The following PRKCZ variants were observed in gnomAD, a reference collection of about 807,000 sequenced individuals.
The protein encoded by PRKCZ is protein kinase C zeta.
A neutral mutation model predicts 79.5 loss-of-function variants in PRKCZ; 33 were observed. The observed-to-expected ratio is 0.41, with a 90% CI of 0.31 to 0.55. PRKCZ has a LOEUF of 0.55. PRKCZ is among the 20% of genes least tolerant of loss of function. PRKCZ has a pLI of 0.19. For synonymous variants in PRKCZ, 342 were observed against 320.9 expected, an observed-to-expected ratio of 1.07 and a Z score of -0.70; for missense variants, 578 against 813.5, an observed-to-expected ratio of 0.71 and a Z score of 3.52.
chr1:2,064,616 A>G (rs1660969556), intron 4 of PRKCZ, among the ~76,000 whole-genome samples: 1 of 152,182 alleles, frequency 6.6e-6, no homozygotes, highest in Non-Finnish European at 1.5e-5. Flanking sequence ...CCATTGGTGA[A>G]AAGACTCCCC....
intron 4 of PRKCZ, among the ~76,000 whole-genome samples, chr1:2,126,108 A>G (rs1673825488): frequency 6.6e-6 from 1 of 152,088 alleles, no homozygotes; most frequent in Non-Finnish European, 1.5e-5. Flanking sequence ...CACAGCATCC[A>G]GCACTGCCAC....
intron 16 of PRKCZ, among the ~76,000 whole-genome samples, chr1:2,176,836 G>A (rs964715128): frequency 1.3e-5 from 2 of 152,216 alleles, no homozygotes; most frequent in African/African-American, 4.8e-5. Context: ...TGGTCAGAAC[G>A]TGCCCACACC....
chr1:2,104,109 G>A (rs910677665), intron 4 of PRKCZ, among the ~76,000 whole-genome samples: 4 of 152,118 alleles, frequency 2.6e-5, no homozygotes, highest in Non-Finnish European at 5.9e-5. Flanking sequence ...AAGGTCTTGA[G>A]CGCGCCTGTA....
At chr1:2,150,689 G>T (rs1398273939) in intron 8 of PRKCZ, 101 bp from the exon 9 acceptor site, 2 of 1,230,332 alleles carry the variant, frequency 1.6e-6, no homozygotes, top group African/African-American at 1.5e-5. Context: ...CCTGGGCTCT[G>T]AGGAGCAGGT....
chr1:2,098,662 C>CGTTTTGTTTTGTTTT (rs140076665), intron 4 of PRKCZ: 2 of 150,944 alleles, frequency 1.3e-5, no homozygotes, highest in African/African-American at 4.9e-5. Context: ...TGTTTGTTTT[C>CGTTTTGTTTTGTTTT]GTTTTGTTTT....
rs536084439 is a variant in PRKCZ at position 2,066,104 on chromosome 1, A to G, written c.334+6513A>G. ...ATCCGTGTTTATAAAGGACAATTAC[A>G]TCTGTGTTAATAAAGGATAATTATG... On this transcript the variant is annotated intron_variant, in intron 4 of 17. Transcript: ENST00000378567. 1.1e-4 allele frequency among the ~76,000 whole-genome samples: 17 copies of G among 152,200 alleles called. 1 individual carries two copies. Among genetic ancestry groups the G allele is most frequent in the Non-Finnish European group, 2.1e-4 (14 of 68,038 alleles).
At chr1:2,109,091 C>T (rs1170709073) in intron 4 of PRKCZ, among the ~76,000 whole-genome samples, 1 of 152,240 alleles carries the variant, frequency 6.6e-6, no homozygotes, top group Non-Finnish European at 1.5e-5. Flanking sequence ...CCAGATCATC[C>T]AGGAACATCT....
At chr1:2,078,987 C>T (rs1279790778) in intron 4 of PRKCZ, among the ~76,000 whole-genome samples, 9 of 152,018 alleles carry the variant, frequency 5.9e-5, no homozygotes, top group South Asian at 2.1e-4. Context: ...GGACTACAGG[C>T]GCCCGCCACC....
chr1:2,099,605 C>T (rs1184250395), intron 4 of PRKCZ, among the ~76,000 whole-genome samples: 2 of 152,274 alleles, frequency 1.3e-5, no homozygotes, highest in African/African-American at 4.8e-5. Flanking sequence ...ACCCTGTGGG[C>T]AGCCGGGGGC....
At chr1:2,184,426 G>T (rs556946138) in intron 16 of PRKCZ, 157 bp from the exon 17 acceptor site, 1 of 594,452 alleles carries the variant, frequency 1.7e-6, no homozygotes, top group South Asian at 2.1e-5. Context: ...TCTAGATTTT[G>T]TGTTGTAAGA....
intron 9 of PRKCZ, among the ~76,000 whole-genome samples, chr1:2,151,630 A>G (rs896187652): frequency 1.3e-5 from 2 of 151,946 alleles, no homozygotes; most frequent in African/African-American, 4.8e-5. Flanking sequence ...TCTAGGGGAG[A>G]AGTTTGTTGA....
intron 7 of PRKCZ, among the ~76,000 whole-genome samples, chr1:2,148,290 C>T (rs919449206): frequency 3.9e-5 from 6 of 152,128 alleles, no homozygotes; most frequent in Middle Eastern, 3.4e-3. Context: ...TGTCCACTGA[C>T]CTCTCCATCT....
intron 5 of PRKCZ, among the ~76,000 whole-genome samples, chr1:2,136,711 A>G (rs1676269777): frequency 6.6e-6 from 1 of 152,078 alleles, no homozygotes; most frequent in African/African-American, 2.4e-5. Flanking sequence ...TCTGTGGAGT[A>G]TGGTGCCAGG....
rs189801142 is a variant in PRKCZ, at chr1:2,096,339, C to A, written c.334+36748C>A. On this transcript the variant is annotated intron_variant, in intron 4 of 17. Coordinates refer to ENST00000378567, the MANE Select transcript of PRKCZ (RefSeq NM_002744.6). ...GTTTGGCATCTGGAGTAGCTGCCAC[C>A]GAGAGAGGCCCAGCCGCCAGGCAGC... 3.3e-3 allele frequency among the ~76,000 whole-genome samples: 497 copies of A among 152,080 alleles called. 14 individuals are homozygous for A. The East Asian group carries it at 0.039, about 12-fold the overall frequency.
chr1:2,131,967 A>T (rs1675056665), intron 4 of PRKCZ, among the ~76,000 whole-genome samples: 12 of 151,950 alleles, frequency 7.9e-5, no homozygotes, highest in Admixed American at 7.9e-4. Context: ...GCCCACCACC[A>T]CACCCGACTA....
At chr1:2,163,218 C>T (rs1392849565) in intron 10 of PRKCZ, among the ~76,000 whole-genome samples, 1 of 152,236 alleles carries the variant, frequency 6.6e-6, no homozygotes, top group Non-Finnish European at 1.5e-5. Context: ...GAAGCATTTA[C>T]CCATCTCGGG....
intron 10 of PRKCZ, among the ~76,000 whole-genome samples, chr1:2,160,606 T>C (rs1682053492): frequency 6.6e-6 from 1 of 151,896 alleles, no homozygotes; most frequent in Non-Finnish European, 1.5e-5. Flanking sequence ...CTCAGTGCAG[T>C]GCTGGTGTTG....
Position 2,165,763 on chromosome 1 carries a change from G to A in PRKCZ, c.975-3755G>A, listed in dbSNP as rs1441160194. ...CTTGACTCTCAGGGCAGCGTCTCCT[G>A]TGCCTCCAGGAGAGGGCTGTGGTTC... On this transcript the variant is annotated intron_variant, in intron 10 of 17. Transcript: ENST00000378567. The surrounding 1 kb of genome is among the most constrained non-coding windows in gnomAD (Gnocchi z 4.1). Among the ~76,000 whole-genome samples the A allele has an allele frequency of 6.6e-6, 1 of 152,168 alleles. No individual in the cohort carries two copies. Among genetic ancestry groups the A allele is most frequent in the African/African-American group, 2.4e-5 (1 of 41,434 alleles).
rs936103994 is a variant in PRKCZ, at chr1:2,185,107, C to T, written c.*98C>T. 11 of 1,200,474 alleles carry T rather than the reference C, an allele frequency of 9.2e-6. No individual in the cohort carries two copies. The highest frequency in any genetic ancestry group is 2.7e-5 in the South Asian group (2 of 74,220). The allele number at this position is 1,200,474 out of a possible 1,614,324, so 74.4% of individuals were successfully genotyped here. A position where few individuals can be genotyped will look rare whatever the true frequency, so the allele number is the denominator to read the frequency against. On this transcript the variant is annotated 3_prime_UTR_variant, in exon 18 of 18. Transcript: ENST00000378567. ...GCCAGGCTGGGCACGGCTCCGAGGG[C>T]GGCCAGGGACAGACGCTTGCGCCGA...
Sources: gnomAD v4.1 joint callset for allele counts (sites outside exome capture counted in the v4.1 genomes callset) on GRCh38, gnomAD v4.1.1 for gene constraint, Gnocchi (gnomAD v3.1) non-coding constraint, MANE v1.5 for transcripts, NCBI Gene and HGNC (gene_info 2026-07-23, HGNC 2026-07-21) for gene names.